Variants in CSMD1 observed in about 807,000 individuals in gnomAD.
CSMD1 encodes the protein CUB and Sushi multiple domains 1, also known as CUB and sushi domain-containing protein 1.
In CSMD1, 213 loss-of-function variants were observed where a neutral mutation model predicts 417.5. The ratio of observed to expected loss-of-function variants is 0.51; its 90% confidence interval spans 0.46 to 0.57. CSMD1 has a LOEUF of 0.57. CSMD1 is among the 20% of genes least tolerant of loss of function. The pLI is 0.00. For missense variants in CSMD1, 6,923 were observed against 4,529.7 expected, an observed-to-expected ratio of 1.53 and a Z score of -15.17; for synonymous variants, 2,862 against 1,736.8, an observed-to-expected ratio of 1.65 and a Z score of -16.11.
intron 1 of CSMD1, among the ~76,000 whole-genome samples, chr8:4,936,001 G>C (rs373177260): frequency 4.6e-5 from 7 of 152,170 alleles, no homozygotes; most frequent in African/African-American, 1.7e-4. Flanking sequence ...AAACAGCCAG[G>C]AATAATAGGA....
Position 4,253,970 on chromosome 8 carries a change from G to A in CSMD1, c.415+165983C>T, listed in dbSNP as rs1288124601. Among the ~76,000 whole-genome samples the A allele has an allele frequency of 3.1e-5, 4 of 129,678 alleles. No individual in the cohort carries two copies. In the South Asian group the frequency reaches 7.4e-4, roughly 24 times the overall value. The allele number at this position is 129,678 out of a possible 152,430, so 85.1% of individuals were successfully genotyped here. On this transcript the variant is annotated intron_variant, in intron 3 of 69. Coordinates refer to ENST00000635120, the MANE Select transcript of CSMD1 (RefSeq NM_033225.6). ...CTTGCTCTAGTGCCCAGGCTGGAGT[G>A]CAGTGGTGCGATCTCGGCTCACTGC...
chr8:4,363,678 G>A (rs1017250390), intron 3 of CSMD1, among the ~76,000 whole-genome samples: 7 of 152,054 alleles, frequency 4.6e-5, no homozygotes, highest in Non-Finnish European at 8.8e-5. Flanking sequence ...GCATTACATC[G>A]CTCTGTGCCT....
At chr8:4,884,876 G>C (rs901800570) in intron 1 of CSMD1, among the ~76,000 whole-genome samples, 2 of 151,854 alleles carry the variant, frequency 1.3e-5, no homozygotes, top group African/African-American at 4.8e-5. Flanking sequence ...TAAATTTTAG[G>C]GTCAGCTTAT....
chr8:4,193,249 G>A (rs887499614), intron 3 of CSMD1, among the ~76,000 whole-genome samples: 3 of 152,130 alleles, frequency 2.0e-5, no homozygotes, highest in Middle Eastern at 6.3e-3. Flanking sequence ...CTTAACGACA[G>A]GGTATTGTGA....
intron 1 of CSMD1, among the ~76,000 whole-genome samples, chr8:4,685,206 T>A (rs1250873199): frequency 6.6e-6 from 1 of 152,172 alleles, no homozygotes; most frequent in African/African-American, 2.4e-5. Context: ...ATGAGAATAA[T>A]GGCCGTAAAC....
chr8:3,814,651 C>A (rs1208477729), intron 5 of CSMD1, among the ~76,000 whole-genome samples: 1 of 152,174 alleles, frequency 6.6e-6, no homozygotes, highest in Admixed American at 6.5e-5. Context: ...AGCTATCCAA[C>A]CTCAAATGTG....
intron 14 of CSMD1, among the ~76,000 whole-genome samples, chr8:3,406,758 G>C (rs150628034): frequency 2.2e-3 from 336 of 152,230 alleles, no homozygotes; most frequent in African/African-American, 7.4e-3. Flanking sequence ...TCATAATGTA[G>C]TATTACTCAT....
At chr8:4,542,833 T>C (rs1797455935) in intron 2 of CSMD1, among the ~76,000 whole-genome samples, 1 of 152,282 alleles carries the variant, frequency 6.6e-6, no homozygotes. Context: ...TAAATATTTG[T>C]AAATAAAGAA....
At position 2,942,453 on chromosome 8, in the gene CSMD1, G is replaced by C; in HGVS notation, c.10535+19C>G. 2 of 1,605,654 alleles carry C rather than the reference G, an allele frequency of 1.2e-6. No homozygotes were observed. Among genetic ancestry groups the C allele is most frequent in the Non-Finnish European group, 8.5e-7 (1 of 1,174,432 alleles). On this transcript the variant is annotated intron_variant, in intron 69 of 69. Coordinates refer to ENST00000635120, the MANE Select transcript of CSMD1 (RefSeq NM_033225.6). ...TTTACACTCACAACATTCTCAAACA[G>C]ATGGTGTTTCTGCAGTACCTGTGTT...
At chr8:4,785,906 A>G (rs1454673743) in intron 1 of CSMD1, among the ~76,000 whole-genome samples, 1 of 152,282 alleles carries the variant, frequency 6.6e-6, no homozygotes. Flanking sequence ...CAGTGACAGC[A>G]CCAAAGACTG....
intron 4 of CSMD1, among the ~76,000 whole-genome samples, chr8:4,012,594 G>C (rs1796321393): frequency 6.6e-6 from 1 of 151,934 alleles, no homozygotes; most frequent in Non-Finnish European, 1.5e-5. Flanking sequence ...CCCTCAGTAG[G>C]CCTCAGTGAC....
intron 5 of CSMD1, among the ~76,000 whole-genome samples, chr8:3,867,256 GCAAGACCATAC>G (rs1427706904): frequency 1.3e-5 from 2 of 152,102 alleles, no homozygotes; most frequent in African/African-American, 4.8e-5. Flanking sequence ...AGTGTAAGAA[GCAAGACCATAC>G]CATTACATAT....
intron 3 of CSMD1, among the ~76,000 whole-genome samples, chr8:4,035,111 T>G (rs1402029862): frequency 1.3e-5 from 2 of 152,180 alleles, no homozygotes; most frequent in African/African-American, 4.8e-5. Context: ...GTGAGCTGCC[T>G]AACAACAGCT....
intron 55 of CSMD1, 69 bp downstream of exon 55, chr8:2,978,543 A>T: frequency 8.0e-7 from 1 of 1,247,848 alleles, no homozygotes; most frequent in South Asian, 1.6e-5. Context: ...AAATATACTT[A>T]CGGAATTTTC....
chr8:3,589,367 T>A (rs1007124047), intron 8 of CSMD1, among the ~76,000 whole-genome samples: 1 of 133,698 alleles, frequency 7.5e-6, no homozygotes, highest in East Asian at 2.1e-4. Context: ...GAGAAATGGA[T>A]AAAGAAAATG....
At chr8:4,735,542 T>C (rs1810175887) in intron 1 of CSMD1, among the ~76,000 whole-genome samples, 1 of 152,192 alleles carries the variant, frequency 6.6e-6, no homozygotes, top group South Asian at 2.1e-4. Flanking sequence ...TTCACCTTTT[T>C]AAGGTCTCTT....
intron 3 of CSMD1, among the ~76,000 whole-genome samples, chr8:4,243,777 G>A (rs558872028): frequency 5.9e-5 from 9 of 152,114 alleles, no homozygotes; most frequent in Admixed American, 5.2e-4. Context: ...ATTCAACGAG[G>A]AAAGAAAGAA....
chr8:4,422,647 C>G (rs1797314958), intron 2 of CSMD1, among the ~76,000 whole-genome samples: 1 of 152,016 alleles, frequency 6.6e-6, no homozygotes, highest in South Asian at 2.1e-4. Context: ...ACCTGTATTT[C>G]TTAATCCCTG....
In CSMD1 at chr8:3,551,932, G is replaced by C. The variant is rs140498287; in HGVS notation, c.1344+23013C>G. On this transcript the variant is annotated intron_variant, in intron 10 of 69. Transcript: ENST00000635120. ...CTGTGTCAGTCCAGACGTGGTTTTA[G>C]CTACTGAAAGATGAGGCTGCCACTG... is the stretch of plus-strand genomic sequence containing the variant. Among the ~76,000 whole-genome samples the C allele has an allele frequency of 2.7e-3, 417 of 152,266 alleles. 3 individuals are homozygous for C. The highest frequency in any genetic ancestry group is 9.8e-3 in the African/African-American group (406 of 41,564).
Sources: gnomAD v4.1 joint callset for allele counts (sites outside exome capture counted in the v4.1 genomes callset) on GRCh38, gnomAD v4.1.1 for gene constraint, MANE v1.5 for transcripts, NCBI Gene and HGNC (gene_info 2026-07-23, HGNC 2026-07-21) for gene names.